Variants in SNTG1 observed in about 807,000 individuals in gnomAD.
The protein encoded by SNTG1 is gamma-1-syntrophin.
Under a neutral mutation model 74.7 loss-of-function variants are expected in SNTG1, and 39 were observed. The observed-to-expected ratio is 0.52, with a 90% CI of 0.40 to 0.68. The LOEUF (loss-of-function observed/expected upper bound fraction) is 0.68, where lower values mean the gene tolerates loss of function less well. Among genes scored for constraint, SNTG1 ranks in the 30% least tolerant of loss-of-function variants. The pLI, the probability that SNTG1 is intolerant of heterozygous loss-of-function variation, is 0.00. For missense variants in SNTG1, 685 were observed against 609.5 expected (o/e 1.12, Z -1.30); for synonymous variants, 254 against 217.1 (o/e 1.17, Z -1.49).
intron 1 of SNTG1, among the ~76,000 whole-genome samples, chr8:50,019,347 G>C (rs1229575120): frequency 1.4e-4 from 21 of 151,992 alleles, no homozygotes; most frequent in Admixed American, 1.4e-3. Context: ...TTCAGGGACA[G>C]ACTTATAAAC....
chr8:50,745,784 T>C (rs1211622511), intron 17 of SNTG1, among the ~76,000 whole-genome samples: 1 of 152,002 alleles, frequency 6.6e-6, no homozygotes, highest in South Asian at 2.1e-4. Context: ...AGGAGAGATG[T>C]TTTATGATTC....
At chr8:50,349,414 C>T (rs2091578936) in intron 2 of SNTG1, among the ~76,000 whole-genome samples, 1 of 151,820 alleles carries the variant, frequency 6.6e-6, no homozygotes, top group South Asian at 2.1e-4. Flanking sequence ...TACATGTGCA[C>T]AATGTGCAGG....
intron 2 of SNTG1, among the ~76,000 whole-genome samples, chr8:50,205,967 G>C (rs1000831616): frequency 4.6e-5 from 7 of 152,136 alleles, no homozygotes; most frequent in Non-Finnish European, 7.4e-5. Context: ...TTTGGTTACT[G>C]TAGACTTGTA....
intron 1 of SNTG1, among the ~76,000 whole-genome samples, chr8:50,145,512 T>A (rs957525322): frequency 6.6e-6 from 1 of 152,158 alleles, no homozygotes; most frequent in African/African-American, 2.4e-5. Flanking sequence ...CCTACTAATG[T>A]GAATTTTGGG....
At position 50,553,098 on chromosome 8, in the gene SNTG1, T is replaced by C; in HGVS notation, c.729T>C (p.Ile243=). Residue 243 remains isoleucine, a synonymous_variant, in exon 12 of 19, where the codon ATT becomes ATC. Transcript: ENST00000642720. ...CTGTGGATGGGGTCTGCACTGGGAT[T>C]ATTCAGTGCCTCTCTGCTGAAGACT... The part of the protein sequence containing the change: ...VIAVDGVCTG[I]IQCLSAEDCV... The C allele has an allele frequency of 6.2e-7, 1 of 1,613,886 alleles. No homozygotes were observed. Among genetic ancestry groups the C allele is most frequent in the Non-Finnish European group, 8.5e-7 (1 of 1,179,828 alleles).
At chr8:50,168,833 A>C (rs1438796375) in intron 1 of SNTG1, among the ~76,000 whole-genome samples, 2 of 152,202 alleles carry the variant, frequency 1.3e-5, no homozygotes, top group Admixed American at 6.5e-5. Flanking sequence ...TCCAGTGTAC[A>C]CTTCACCCAA....
chr8:50,240,333 G>A (rs1249778211), intron 2 of SNTG1, among the ~76,000 whole-genome samples: 1 of 152,172 alleles, frequency 6.6e-6, no homozygotes, highest in Non-Finnish European at 1.5e-5. Flanking sequence ...GTGACAACAG[G>A]CTGAATTGCT....
At chr8:50,318,233 G>A (rs2090390329) in intron 2 of SNTG1, among the ~76,000 whole-genome samples, 1 of 152,036 alleles carries the variant, frequency 6.6e-6, no homozygotes, top group African/African-American at 2.4e-5. Flanking sequence ...TGTTCTTGCA[G>A]CTGTTCTCAA....
intron 12 of SNTG1, among the ~76,000 whole-genome samples, chr8:50,571,557 C>G (rs2094549243): frequency 6.6e-6 from 1 of 152,156 alleles, no homozygotes; most frequent in South Asian, 2.1e-4. Context: ...CTGAGAACTC[C>G]CACTTCATAT....
At chr8:50,772,927 C>T (rs1355886615) in intron 18 of SNTG1, among the ~76,000 whole-genome samples, 2 of 152,102 alleles carry the variant, frequency 1.3e-5, no homozygotes, top group Non-Finnish European at 2.9e-5. Context: ...TCTCTTTGGA[C>T]ATGCCCACTC....
intron 1 of SNTG1, among the ~76,000 whole-genome samples, chr8:50,036,199 C>T (rs1055174381): frequency 4.6e-5 from 7 of 152,106 alleles, no homozygotes; most frequent in African/African-American, 1.4e-4. Context: ...CTTTGACATA[C>T]ATTATCTCTC....
At chr8:50,436,052 C>T (rs1283065618) in intron 4 of SNTG1, among the ~76,000 whole-genome samples, 1 of 152,144 alleles carries the variant, frequency 6.6e-6, no homozygotes, top group African/African-American at 2.4e-5. Context: ...GAGTTTTCCT[C>T]ATGGCCAATT....
chr8:49,947,185 C>G (rs1353307762), intron 1 of SNTG1, among the ~76,000 whole-genome samples: 2 of 152,092 alleles, frequency 1.3e-5, no homozygotes, highest in African/African-American at 4.8e-5. Context: ...CTTGTAATCC[C>G]AGCTACTTGG....
chr8:50,187,368 C>A (rs1489682818), intron 2 of SNTG1, among the ~76,000 whole-genome samples: 1 of 152,098 alleles, frequency 6.6e-6, no homozygotes, highest in African/African-American at 2.4e-5. Flanking sequence ...CACCACACAT[C>A]TACAACGATC....
intron 15 of SNTG1, among the ~76,000 whole-genome samples, chr8:50,680,943 T>C (rs1448738940): frequency 6.6e-6 from 1 of 152,188 alleles, no homozygotes; most frequent in African/African-American, 2.4e-5. Context: ...GAAAACACAA[T>C]GTAAATAAAA....
intron 15 of SNTG1, among the ~76,000 whole-genome samples, chr8:50,669,928 C>T (rs2095271235): frequency 6.6e-6 from 1 of 152,036 alleles, no homozygotes; most frequent in Admixed American, 6.6e-5. Context: ...GAAACAGAAC[C>T]AAAGACAAAA....
intron 1 of SNTG1, among the ~76,000 whole-genome samples, chr8:50,015,902 A>C (rs1214253671): frequency 6.6e-6 from 1 of 152,156 alleles, no homozygotes; most frequent in South Asian, 2.1e-4. Flanking sequence ...CAGATGAAGC[A>C]AAACTTCATA....
intron 11 of SNTG1, among the ~76,000 whole-genome samples, chr8:50,537,562 T>A (rs987474887): frequency 2.0e-5 from 3 of 152,166 alleles, no homozygotes; most frequent in East Asian, 3.8e-4. Context: ...GTTGATTTTT[T>A]AAAAATGATT....
chr8:50,470,567 C>T (rs1198523187), intron 8 of SNTG1, among the ~76,000 whole-genome samples: 1 of 151,942 alleles, frequency 6.6e-6, no homozygotes, highest in African/African-American at 2.4e-5. Context: ...GTTTGTTCCT[C>T]CCGGTGGGTT....
Sources: gnomAD v4.1 joint callset for allele counts (sites outside exome capture counted in the v4.1 genomes callset) on GRCh38, gnomAD v4.1.1 for gene constraint, MANE v1.5 for transcripts, NCBI Gene and HGNC (gene_info 2026-07-23, HGNC 2026-07-21) for gene names.